The following BFAR variants were observed in gnomAD, a reference collection of about 807,000 sequenced individuals.
BFAR encodes RING finger protein 47.
BFAR carries 52 observed loss-of-function variants against 54.4 expected under a neutral mutation model. The observed-to-expected ratio is 0.96, with a 90% CI of 0.77 to 1.21. The LOEUF is 1.21. Ranked by LOEUF, BFAR falls within the 50% of genes most tolerant of loss-of-function variation. The probability of loss-of-function intolerance (pLI) is 0.00; values close to 1 mark genes in which losing one functional copy is unlikely to be tolerated. For synonymous variants in BFAR, 215 were observed against 204.3 expected (o/e 1.05, Z -0.45); for missense variants, 571 against 534.0 (o/e 1.07, Z -0.68).
At chr16:14,647,687 A>AG (rs1479365284) in intron 2 of BFAR, among the ~76,000 whole-genome samples, 1 of 151,984 alleles carries the variant, frequency 6.6e-6, no homozygotes, top group East Asian at 1.9e-4. Flanking sequence ...CAAAAAAAAA[A>AG]AAAAACAAGT....
chr16:14,663,729 G>A (rs577887639), intron 6 of BFAR, among the ~76,000 whole-genome samples: 4 of 152,256 alleles, frequency 2.6e-5, no homozygotes, highest in African/African-American at 7.2e-5. Context: ...GGAGGAGGGA[G>A]TGTTTGTAAT....
chr16:14,654,492 C>G (rs1038590811), intron 4 of BFAR, among the ~76,000 whole-genome samples: 1 of 136,424 alleles, frequency 7.3e-6, no homozygotes, highest in African/African-American at 2.7e-5. Context: ...AGTGAGTTTT[C>G]CTTTTTTTTT....
chr16:14,660,761 C>T (rs960884558), intron 5 of BFAR, among the ~76,000 whole-genome samples: 1 of 151,484 alleles, frequency 6.6e-6, no homozygotes, highest in African/African-American at 2.4e-5. Flanking sequence ...ATTAGCCAGG[C>T]GTGGCATTAC....
chr16:14,651,193 C>T (rs922410444), intron 4 of BFAR, among the ~76,000 whole-genome samples: 1 of 152,172 alleles, frequency 6.6e-6, no homozygotes, highest in Non-Finnish European at 1.5e-5. Flanking sequence ...AGTCAGAAAT[C>T]CAGGCTTCCA....
intron 4 of BFAR, among the ~76,000 whole-genome samples, chr16:14,652,439 C>T (rs886768489): frequency 6.6e-6 from 1 of 151,586 alleles, no homozygotes; most frequent in Non-Finnish European, 1.5e-5. Context: ...TGCCATCATG[C>T]GTGGCTAATT....
intron 2 of BFAR, among the ~76,000 whole-genome samples, chr16:14,646,788 G>A (rs1197663855): frequency 2.0e-5 from 3 of 151,584 alleles, no homozygotes; most frequent in East Asian, 3.9e-4. Context: ...ATGAGCCCCC[G>A]CGCCCAGCCT....
chr16:14,661,921 G>C lies in BFAR; in HGVS notation c.813G>C (p.Leu271=), dbSNP rs1267181477. 1 of 1,613,986 alleles carries C rather than the reference G, an allele frequency of 6.2e-7. No individual in the cohort carries two copies. Among genetic ancestry groups the C allele is most frequent in the Non-Finnish European group, 8.5e-7 (1 of 1,180,022 alleles). ...KAVNPGRSLF[L]LYALKSSPRL... ...TGAACCCAGGCAGGTCCCTGTTCCT[G>C]CTATACGCCCTCAAGAGCTCCCCCA... is the stretch of plus-strand genomic sequence containing the variant. The change falls in exon 6 of 8, where the codon CTG becomes CTC. Residue 271 remains leucine, a synonymous_variant. Transcript: ENST00000261658.
chr16:14,652,683 C>A (rs747770167), intron 4 of BFAR, among the ~76,000 whole-genome samples: 35 of 152,020 alleles, frequency 2.3e-4, no homozygotes, highest in Non-Finnish European at 3.8e-4. Flanking sequence ...TGCTAGACAC[C>A]TTTCCAGATG....
intron 7 of BFAR, among the ~76,000 whole-genome samples, chr16:14,665,665 G>A (rs981140289): frequency 2.6e-5 from 4 of 152,124 alleles, no homozygotes; most frequent in Admixed American, 6.6e-5. Flanking sequence ...AGAACATCAA[G>A]GCTGTTTCAC....
At chr16:14,644,990 A>C (rs1040751261) in intron 2 of BFAR, among the ~76,000 whole-genome samples, 3 of 152,176 alleles carry the variant, frequency 2.0e-5, no homozygotes, top group African/African-American at 7.2e-5. Flanking sequence ...GAAAGAAAGA[A>C]AGTCTGGTTA....
intron 7 of BFAR, 35 bp from the exon 8 acceptor site, chr16:14,667,600 C>T (rs369552497): frequency 5.2e-4 from 826 of 1,583,082 alleles, no homozygotes; most frequent in Non-Finnish European, 6.6e-4. Flanking sequence ...TCATGAGAAG[C>T]GCCTCCGATT....
intron 1 of BFAR, among the ~76,000 whole-genome samples, chr16:14,635,298 G>A (rs1959397758): frequency 6.6e-6 from 1 of 152,154 alleles, no homozygotes; most frequent in Admixed American, 6.6e-5. Flanking sequence ...TTGTGCCACT[G>A]CACTCCAGCC....
At chr16:14,653,296 G>T (rs1960026555) in intron 4 of BFAR, among the ~76,000 whole-genome samples, 1 of 152,046 alleles carries the variant, frequency 6.6e-6, no homozygotes, top group Non-Finnish European at 1.5e-5. Context: ...CTGTGGAGGG[G>T]AATTTGTGTT....
chr16:14,664,160 G>C (rs957266447), intron 6 of BFAR, among the ~76,000 whole-genome samples: 47 of 152,086 alleles, frequency 3.1e-4, no homozygotes, highest in African/African-American at 1.1e-3. Flanking sequence ...ATGGTAGCGA[G>C]ACAAGATGGT....
Position 14,655,189 on chromosome 16 carries a change from C to A in BFAR, c.762C>A (p.Pro254=). Residue 254 remains proline, a synonymous_variant, in exon 5 of 8, where the codon CCC becomes CCA. Coordinates refer to ENST00000261658, the MANE Select transcript of BFAR (RefSeq NM_016561.3). ...ERVKALGVKP[P]QNLWEYKAVN... ...TCAAAGCATTAGGCGTGAAGCCCCC[C>A]CAGAATCTCTGGGAATATAAGGTGA... is the stretch of plus-strand genomic sequence containing the variant. 4 of 1,540,202 alleles carry A rather than the reference C, an allele frequency of 2.6e-6. No individual in the cohort carries two copies. The highest frequency in any genetic ancestry group is 2.6e-6 in the Non-Finnish European group (3 of 1,146,734).
At chr16:14,662,417 C>T (rs1960315966) in intron 6 of BFAR, among the ~76,000 whole-genome samples, 1 of 152,152 alleles carries the variant, frequency 6.6e-6, no homozygotes, top group Non-Finnish European at 1.5e-5. Flanking sequence ...AGTCTGAAGC[C>T]TGCTAATCGG....
chr16:14,648,413 G>C lies in BFAR; in HGVS notation c.289G>C (p.Asp97His), dbSNP rs935812685. 8 of 1,612,848 alleles carry C rather than the reference G, an allele frequency of 5.0e-6. No individual in the cohort carries two copies. In the African/African-American group the frequency reaches 9.4e-5, roughly 19 times the overall value. Reference protein sequence around the residue: ...LRDAIEKLFPDAIRLRFEDIQ... With the variant: ...LRDAIEKLFPHAIRLRFEDIQ... ...GGATGCCATTGAAAAGTTATTTCCT[G>C]ATGCCATTAGACTGAGATTTGAAGA... The change falls in exon 3 of 8, where the codon GAT becomes CAT. Residue 97 changes from aspartate to histidine, a missense_variant. By Grantham distance (81) the Asp-to-His change is moderately conservative. Coordinates refer to ENST00000261658, the MANE Select transcript of BFAR (RefSeq NM_016561.3).
rs757389544 is a variant in BFAR at position 14,649,848 on chromosome 16, C to T, written c.513C>T (p.His171=). 21 of 1,612,010 alleles carry T rather than the reference C, an allele frequency of 1.3e-5. No individual in the cohort carries two copies. Among genetic ancestry groups the T allele is most frequent in the Admixed American group, 3.3e-5 (2 of 59,782 alleles). The change falls in exon 4 of 8, where the codon CAC becomes CAT. Residue 171 remains histidine, a synonymous_variant. Coordinates refer to ENST00000261658, the MANE Select transcript of BFAR (RefSeq NM_016561.3). ...VYHWSSRESE[H]DLLVHKAVAK... is the part of the protein sequence containing the mutation. ...ACTGGAGCAGCAGGGAATCTGAACA[C>T]GACCTCCTGGTCCACAAGGCTGTGG...
At chr16:14,635,207 C>T (rs1959394723) in intron 1 of BFAR, among the ~76,000 whole-genome samples, 1 of 152,068 alleles carries the variant, frequency 6.6e-6, no homozygotes, top group Non-Finnish European at 1.5e-5. Flanking sequence ...TGGTGGTGGA[C>T]GCCTGTAGTT....
Sources: gnomAD v4.1 joint callset for allele counts (sites outside exome capture counted in the v4.1 genomes callset) on GRCh38, gnomAD v4.1.1 for gene constraint, MANE v1.5 for transcripts, NCBI Gene and HGNC (gene_info 2026-07-23, HGNC 2026-07-21) for gene names.